INO80D: variants seen among roughly 807,000 people sequenced by gnomAD.
INO80D encodes the protein INO80 complex subunit D.
INO80D carries 21 observed loss-of-function variants against 87.6 expected under a neutral mutation model. That is an observed-to-expected ratio of 0.24 (90% confidence interval 0.17 to 0.35). INO80D has a LOEUF of 0.35. INO80D is among the 10% of genes least tolerant of loss of function. The probability of loss-of-function intolerance (pLI) is 1.00; values close to 1 mark genes in which losing one functional copy is unlikely to be tolerated. For synonymous variants in INO80D, 440 were observed against 491.0 expected, an observed-to-expected ratio of 0.90 and a Z score of 1.37; for missense variants, 982 against 1,280.7, an observed-to-expected ratio of 0.77 and a Z score of 3.56.
chr2:206,070,521 C>A (rs1483368609), intron 1 of INO80D, among the ~76,000 whole-genome samples: 1 of 151,986 alleles, frequency 6.6e-6, no homozygotes, highest in African/African-American at 2.4e-5. Flanking sequence ...GAGATAGAGA[C>A]CATCCTGACT....
rs1690397979 is a variant in INO80D at position 206,085,004 on chromosome 2, G to A, written c.-124+897C>T. On this transcript the variant is annotated intron_variant, in intron 1 of 10. Transcript: ENST00000403263. The surrounding 1 kb of genome is among the most constrained non-coding windows in gnomAD (Gnocchi z 4.5). ...TTAGCAGCCCCGAATGGGCTCGCGG[G>A]GAGTTGGGTGGGGCGCGGGCGAGGG... Among the ~76,000 whole-genome samples, 1 of 152,148 alleles carries A rather than the reference G, an allele frequency of 6.6e-6. No individual in the cohort carries two copies.
intron 8 of INO80D, among the ~76,000 whole-genome samples, chr2:206,010,302 A>G (rs1212547384): frequency 6.6e-6 from 1 of 152,044 alleles, no homozygotes; most frequent in African/African-American, 2.4e-5. Flanking sequence ...CAACCAAGTG[A>G]AAAAGGAAAA....
At chr2:206,072,846 C>CTTTT (rs35269123) in intron 1 of INO80D, among the ~76,000 whole-genome samples, 2 of 143,878 alleles carry the variant, frequency 1.4e-5, no homozygotes, top group Admixed American at 7.0e-5. Flanking sequence ...ACTTTCTTCT[C>CTTTT]TTTTTTTTTT....
intron 5 of INO80D, among the ~76,000 whole-genome samples, chr2:206,029,071 A>T (rs1049221582): frequency 1.3e-5 from 2 of 151,606 alleles, no homozygotes; most frequent in Non-Finnish European, 2.9e-5. Flanking sequence ...TGTATTTTTA[A>T]TAGAGACGGG....
intron 6 of INO80D, among the ~76,000 whole-genome samples, chr2:206,027,150 G>GCA (rs1559440561): frequency 2.0e-5 from 2 of 98,236 alleles, no homozygotes; most frequent in East Asian, 7.6e-4. Context: ...ACGCACGCGC[G>GCA]CACGCGCACA....
intron 8 of INO80D, among the ~76,000 whole-genome samples, chr2:206,013,673 CG>C (rs1253263712): frequency 6.6e-6 from 1 of 151,648 alleles, no homozygotes. Flanking sequence ...AGAAGTATGC[CG>C]GAATGGTGGA....
At chr2:206,014,237 T>C (rs189587633) in intron 8 of INO80D, among the ~76,000 whole-genome samples, 20 of 152,252 alleles carry the variant, frequency 1.3e-4, no homozygotes, top group Admixed American at 7.8e-4. Flanking sequence ...ATTTGTAATA[T>C]GTAATTGTAA....
intron 4 of INO80D, among the ~76,000 whole-genome samples, chr2:206,051,277 A>G (rs894807345): frequency 6.6e-6 from 1 of 150,858 alleles, no homozygotes; most frequent in Non-Finnish European, 1.5e-5. Context: ...TCGCAGTGGC[A>G]TGATTATAGC....
At position 205,998,166 on chromosome 2, in the gene INO80D, T is replaced by C. The variant is rs2105783796; in HGVS notation, c.*6202A>G. ...TAAAAGAGGTCTTACAAACTTAGTTTACAAATTCCAGCTACAGTAGTTGGA... is the reference window on the plus strand; with the variant it reads ...TAAAAGAGGTCTTACAAACTTAGTTCACAAATTCCAGCTACAGTAGTTGGA... On this transcript the variant is annotated 3_prime_UTR_variant, in exon 11 of 11. Transcript: ENST00000403263. 6.6e-6 allele frequency: 1 copy of C among 152,286 alleles called. No individual in the cohort carries two copies. Among genetic ancestry groups the C allele is most frequent in the African/African-American group, 2.4e-5 (1 of 41,574 alleles). The allele number at this position is 152,286 out of a possible 1,614,324, so 9.4% of individuals were successfully genotyped here.
intron 8 of INO80D, among the ~76,000 whole-genome samples, chr2:206,016,178 A>G (rs886866163): frequency 2.6e-5 from 4 of 152,198 alleles, no homozygotes; most frequent in Admixed American, 6.5e-5. Context: ...ATACCCTGCA[A>G]AGTCACAGGG....
intron 10 of INO80D, among the ~76,000 whole-genome samples, chr2:206,005,781 A>G (rs1688007275): frequency 6.6e-6 from 1 of 152,348 alleles, no homozygotes; most frequent in South Asian, 2.1e-4. Context: ...CTCAAAAACC[A>G]TCTTATCAAA....
At chr2:206,022,072 T>G (rs1688479371) in intron 6 of INO80D, among the ~76,000 whole-genome samples, 2 of 151,904 alleles carry the variant, frequency 1.3e-5, no homozygotes, top group Non-Finnish European at 1.5e-5. Context: ...CATGGACAAA[T>G]TAAGGTAAAA....
Position 206,005,394 on chromosome 2 carries a change from T to C in INO80D, c.2058A>G (p.Ser686=), listed in dbSNP as rs375781589. The change falls in exon 11 of 11, where the codon TCA becomes TCG. Residue 686 remains serine, a synonymous_variant. Transcript: ENST00000403263. ...TGGAGAACACCCCTATTCCTCTATC[T>C]GACAACTCCTGGACTGGCACACCAT... The part of the protein sequence containing the change: ...QSDGVPVQEL[S]DRGIGVFSTG... The C allele has an allele frequency of 6.2e-7, 1 of 1,613,948 alleles. No individual in the cohort carries two copies. The highest frequency in any genetic ancestry group is 1.6e-4 in the Middle Eastern group (1 of 6,062).
chr2:206,079,323 T>C (rs1690211767), intron 1 of INO80D, among the ~76,000 whole-genome samples: 1 of 152,148 alleles, frequency 6.6e-6, no homozygotes, highest in Admixed American at 6.6e-5. Context: ...TCCGCCCACC[T>C]TGGCCTCCCA....
intron 5 of INO80D, among the ~76,000 whole-genome samples, chr2:206,043,550 C>T (rs888872740): frequency 1.3e-5 from 2 of 151,854 alleles, no homozygotes; most frequent in Admixed American, 1.3e-4. Context: ...TGCAGTGGCA[C>T]GATCTCGGCT....
intron 5 of INO80D, among the ~76,000 whole-genome samples, chr2:206,040,107 A>G (rs1313268685): frequency 6.6e-6 from 1 of 151,884 alleles, no homozygotes; most frequent in Non-Finnish European, 1.5e-5. Context: ...AGCCTGGCCA[A>G]CATGGTAAAA....
chr2:206,073,827 TA>T (rs2105904413), intron 1 of INO80D, among the ~76,000 whole-genome samples: 1 of 152,316 alleles, frequency 6.6e-6, no homozygotes, highest in Middle Eastern at 3.4e-3. Flanking sequence ...TCACATTTCC[TA>T]ATCCATGCAA....
chr2:206,063,334 T>C (rs961203969), intron 1 of INO80D, 90 bp from the exon 2 acceptor site: 2 of 476,810 alleles, frequency 4.2e-6, no homozygotes, highest in Non-Finnish European at 7.3e-6. Flanking sequence ...TCACCCTTAC[T>C]AATGCAATGG....
chr2:206,068,200 A>G (rs6739896), intron 1 of INO80D, among the ~76,000 whole-genome samples: 73,030 of 151,920 alleles, frequency 0.48, 19,260 homozygotes, highest in African/African-American at 0.71. Flanking sequence ...CTGGGCTCAA[A>G]AGATCTTCCT....
Sources: gnomAD v4.1 joint callset for allele counts (sites outside exome capture counted in the v4.1 genomes callset) on GRCh38, gnomAD v4.1.1 for gene constraint, Gnocchi (gnomAD v3.1) non-coding constraint, MANE v1.5 for transcripts, NCBI Gene and HGNC (gene_info 2026-07-23, HGNC 2026-07-21) for gene names.